The following CADM2 variants were observed in gnomAD, a reference collection of about 807,000 sequenced individuals.
The protein encoded by CADM2 is immunoglobulin superfamily member 4D.
A neutral mutation model predicts 49.8 loss-of-function variants in CADM2; 12 were observed. The ratio of observed to expected loss-of-function variants is 0.24; its 90% CI spans 0.15 to 0.39. The LOEUF (loss-of-function observed/expected upper bound fraction) is 0.39, where lower values mean the gene tolerates loss of function less well. Among genes scored for constraint, CADM2 ranks in the 10% least tolerant of loss-of-function variants. CADM2 has a pLI of 1.00. For missense variants in CADM2, 378 were observed against 492.3 expected, an observed-to-expected ratio of 0.77 and a Z score of 2.20; for synonymous variants, 214 against 175.4, an observed-to-expected ratio of 1.22 and a Z score of -1.74.
At chr3:85,051,078 T>C (rs1329555624) in intron 1 of CADM2, among the ~76,000 whole-genome samples, 1 of 152,218 alleles carries the variant, frequency 6.6e-6, no homozygotes, top group African/African-American at 2.4e-5. Flanking sequence ...CTAGCCAGAC[T>C]TCTGGGATTC....
chr3:86,026,014 T>C (rs1435753932), intron 8 of CADM2, among the ~76,000 whole-genome samples: 4 of 152,096 alleles, frequency 2.6e-5, no homozygotes, highest in Non-Finnish European at 2.9e-5. Flanking sequence ...TATATGCTTA[T>C]ATGAAAATAA....
At chr3:85,988,627 A>G (rs542286432) in intron 8 of CADM2, among the ~76,000 whole-genome samples, 1 of 152,204 alleles carries the variant, frequency 6.6e-6, no homozygotes, top group Non-Finnish European at 1.5e-5. Context: ...GTTAAAAAAG[A>G]AAGGGTCAAT....
intron 1 of CADM2, among the ~76,000 whole-genome samples, chr3:85,302,594 C>G (rs1326674615): frequency 6.6e-6 from 1 of 151,906 alleles, no homozygotes; most frequent in Non-Finnish European, 1.5e-5. Flanking sequence ...ATGTGTAAAT[C>G]AAAGTGTAGA....
intron 1 of CADM2, among the ~76,000 whole-genome samples, chr3:85,716,295 A>C (rs915364407): frequency 2.6e-5 from 4 of 152,196 alleles, no homozygotes; most frequent in Non-Finnish European, 4.4e-5. Context: ...GGCTGCATGA[A>C]TGTCTTCTTT....
At chr3:85,068,270 A>T (rs886317030) in intron 1 of CADM2, among the ~76,000 whole-genome samples, 2 of 152,090 alleles carry the variant, frequency 1.3e-5, no homozygotes, top group African/African-American at 4.8e-5. Flanking sequence ...CTGTTAGTTG[A>T]TTTATCTCAA....
chr3:86,041,390 T>G (rs1363679251), intron 8 of CADM2, among the ~76,000 whole-genome samples: 1 of 152,052 alleles, frequency 6.6e-6, no homozygotes, highest in African/African-American at 2.4e-5. Flanking sequence ...GAGGAAGATC[T>G]ACGAAGCAAA....
At chr3:85,610,038 A>C (rs1221195756) in intron 1 of CADM2, among the ~76,000 whole-genome samples, 1 of 152,012 alleles carries the variant, frequency 6.6e-6, no homozygotes. Flanking sequence ...AATCTGATTT[A>C]ATTATTTCAC....
At chr3:85,140,417 G>A (rs1190758110) in intron 1 of CADM2, among the ~76,000 whole-genome samples, 1 of 152,110 alleles carries the variant, frequency 6.6e-6, no homozygotes, top group Non-Finnish European at 1.5e-5. Context: ...AAGTGGAAAT[G>A]GACAGGTAAA....
At chr3:85,045,623 A>G (rs72903339) in intron 1 of CADM2, among the ~76,000 whole-genome samples, 1,869 of 150,782 alleles carry the variant, frequency 0.012, 39 homozygotes, top group African/African-American at 0.043. Context: ...AGATAAAACT[A>G]TGCATGCGTG....
chr3:85,704,082 A>G lies in CADM2; in HGVS notation c.62-22440A>G, dbSNP rs190711889. 9.7e-4 allele frequency among the ~76,000 whole-genome samples: 147 copies of G among 152,288 alleles called. 1 individual carries two copies. Among genetic ancestry groups the G allele is most frequent in the African/African-American group, 3.4e-3 (141 of 41,578 alleles). Reference sequence around the variant, plus strand: ...TCCACTCATCAAAACTGCACCTTAGATGACTCAATACTGTTCTTTTCATGG... The same window carrying G: ...TCCACTCATCAAAACTGCACCTTAGGTGACTCAATACTGTTCTTTTCATGG... On this transcript the variant is annotated intron_variant, in intron 1 of 9. Transcript: ENST00000383699.
intron 8 of CADM2, chr3:86,014,448 G>A (rs1247218315): frequency 1.0e-5 from 15 of 1,492,128 alleles, no homozygotes; most frequent in South Asian, 2.8e-5. Context: ...TTGGTTTGAG[G>A]AAGCCACAAA....
chr3:84,976,597 A>G (rs2031836134), intron 1 of CADM2, among the ~76,000 whole-genome samples: 1 of 151,878 alleles, frequency 6.6e-6, no homozygotes, highest in Non-Finnish European at 1.5e-5. Flanking sequence ...AAAGTTAGAC[A>G]CTAAACACAT....
intron 7 of CADM2, among the ~76,000 whole-genome samples, chr3:85,945,529 A>G: frequency 6.6e-6 from 1 of 152,182 alleles, no homozygotes; most frequent in East Asian, 1.9e-4. Flanking sequence ...AAAATCCTCA[A>G]TAAAATACTG....
chr3:85,508,837 ATGTGTGTGTGTGTG>A (rs10524905), intron 1 of CADM2, among the ~76,000 whole-genome samples: 9 of 150,036 alleles, frequency 6.0e-5, no homozygotes, highest in Non-Finnish European at 1.3e-4. Context: ...CTGTGTGTGT[ATGTGTGTGTGTGTG>A]TGTGTGTGTG....
chr3:85,203,403 T>A (rs2041557850), intron 1 of CADM2, among the ~76,000 whole-genome samples: 1 of 152,028 alleles, frequency 6.6e-6, no homozygotes. Flanking sequence ...AGAAAGAAAG[T>A]GTCAAGGGAA....
intron 1 of CADM2, among the ~76,000 whole-genome samples, chr3:85,194,323 G>A (rs1035108011): frequency 6.6e-6 from 1 of 152,044 alleles, no homozygotes; most frequent in Non-Finnish European, 1.5e-5. Context: ...GTAGACTACT[G>A]AGTATGTCTT....
Position 85,291,867 on chromosome 3 carries a change from G to T in CADM2, c.61+332199G>T, listed in dbSNP as rs551076322. Among the ~76,000 whole-genome samples, 730 of 150,138 alleles carry T rather than the reference G, an allele frequency of 4.9e-3. 8 individuals carry two copies. Among genetic ancestry groups the T allele is most frequent in the African/African-American group, 0.018 (706 of 39,802 alleles). On this transcript the variant is annotated intron_variant, in intron 1 of 9. Transcript: ENST00000383699. The stretch of plus-strand genomic sequence containing the variant: ...ATGTAAAGACCATCGAGACTAGGAA[G>T]AAACTGCATCAACTAACGAGCAAAA...
chr3:85,527,619 A>C (rs1165299023), intron 1 of CADM2, among the ~76,000 whole-genome samples: 2 of 151,788 alleles, frequency 1.3e-5, no homozygotes, highest in African/African-American at 4.8e-5. Flanking sequence ...ATCAAAATGC[A>C]CACCCATAAG....
At chr3:85,881,609 G>T (rs1712793929) in intron 3 of CADM2, among the ~76,000 whole-genome samples, 1 of 152,120 alleles carries the variant, frequency 6.6e-6, no homozygotes. Flanking sequence ...TAGGGACTTT[G>T]TGCTGCTATT....
Sources: allele counts gnomAD v4.1 joint callset (sites outside exome capture counted in the v4.1 genomes callset), GRCh38; gene constraint gnomAD v4.1.1; transcripts MANE v1.5; gene names NCBI Gene and HGNC (gene_info 2026-07-23, HGNC 2026-07-21).